UBE2V2: variants seen among roughly 807,000 people sequenced by gnomAD.
The protein encoded by UBE2V2 is ubiquitin-conjugating enzyme E2 variant 2.
UBE2V2 carries 9 observed loss-of-function variants against 17.2 expected under a neutral mutation model. The observed-to-expected ratio is 0.52, with a 90% confidence interval of 0.32 to 0.91. UBE2V2 has a LOEUF of 0.91. Ranked by LOEUF, UBE2V2 falls within the 40% of genes least tolerant of loss-of-function variation. The pLI, the probability that UBE2V2 is intolerant of heterozygous loss-of-function variation, is 0.04. For synonymous variants in UBE2V2, 61 were observed against 57.5 expected, an observed-to-expected ratio of 1.06 and a Z score of -0.28; for missense variants, 133 against 182.6, an observed-to-expected ratio of 0.73 and a Z score of 1.56.
At chr8:48,022,068 C>G (rs1447725080) in intron 1 of UBE2V2, among the ~76,000 whole-genome samples, 2 of 151,824 alleles carry the variant, frequency 1.3e-5, no homozygotes, top group African/African-American at 4.8e-5. Context: ...ACAACTTAGC[C>G]TTGATGGCCT....
intron 1 of UBE2V2, among the ~76,000 whole-genome samples, chr8:48,033,211 G>C (rs45460291): frequency 0.02 from 3,056 of 151,858 alleles, 240 homozygotes; most frequent in Admixed American, 0.14. Flanking sequence ...TCCTGAGACG[G>C]TGTCTTTCTC....
Position 48,019,087 on chromosome 8 carries a change from C to T in UBE2V2, c.16+10617C>T, listed in dbSNP as rs1039628618. Among the ~76,000 whole-genome samples, 19 of 152,042 alleles carry T rather than the reference C, an allele frequency of 1.2e-4. 1 individual carries two copies. ...CTCTATTAAAAATACAAAAATTGGA[C>T]CAGGAGCGGTGGCTCACACCTGTAA... On this transcript the variant is annotated intron_variant, in intron 1 of 3. Coordinates refer to ENST00000523111, the MANE Select transcript of UBE2V2 (RefSeq NM_003350.3).
rs143811386 is a variant in UBE2V2 at position 48,038,208 on chromosome 8, T to C, written c.17-4825T>C. 2.7e-3 allele frequency among the ~76,000 whole-genome samples: 416 copies of C among 152,346 alleles called. 1 individual carries two copies. The highest frequency in any genetic ancestry group is 4.7e-3 in the Non-Finnish European group (322 of 68,040). ...TAATAAATTCTTGCTTCAGATTGTT[T>C]TTTGGAAACAGAACATTTCTAGTAC... On this transcript the variant is annotated intron_variant, in intron 1 of 3. Transcript: ENST00000523111.
chr8:47,999,960 C>A, the UBE2V2 span, among the ~76,000 whole-genome samples: 1 of 152,184 alleles, frequency 6.6e-6, no homozygotes, highest in Non-Finnish European at 1.5e-5. Context: ...TGGAACAGAA[C>A]AGGACAGGGA....
At chr8:48,054,006 C>T (rs757235635) in intron 3 of UBE2V2, among the ~76,000 whole-genome samples, 8 of 150,760 alleles carry the variant, frequency 5.3e-5, no homozygotes, top group Non-Finnish European at 7.4e-5. Context: ...GGTTTCACCA[C>T]GTTGGCCAGG....
chr8:48,054,797 T>C (rs1158941981), intron 3 of UBE2V2, among the ~76,000 whole-genome samples: 1 of 152,198 alleles, frequency 6.6e-6, no homozygotes, highest in Non-Finnish European at 1.5e-5. Flanking sequence ...TGCAGTGAGA[T>C]CTCACATTTT....
Position 48,034,128 on chromosome 8 carries a change from C to CTTTTTTTTT in UBE2V2, c.17-8901_17-8893dup, listed in dbSNP as rs895844431. On this transcript the variant is annotated intron_variant, in intron 1 of 3. Coordinates refer to ENST00000523111, the MANE Select transcript of UBE2V2 (RefSeq NM_003350.3). Reference sequence around the variant, plus strand: ...AATATTTGACCTCTGTTTTCTTTTCCTTTTTTTTTTTTGAGATGGAGTCTC... The same window carrying CTTTTTTTTT: ...AATATTTGACCTCTGTTTTCTTTTCCTTTTTTTTTTTTTTTTTTTTTGAGATGGAGTCTC... 8.8e-3 allele frequency among the ~76,000 whole-genome samples: 1,197 copies of CTTTTTTTTT among 136,226 alleles called. 65 individuals carry two copies. Among genetic ancestry groups the CTTTTTTTTT allele is most frequent in the African/African-American group, 0.026 (859 of 33,456 alleles). 89.4% of individuals were successfully genotyped at this position (136,226 alleles called of 152,430 possible).
In UBE2V2 at chr8:48,008,444, T is replaced by G. The variant is rs1230018498; in HGVS notation, c.-11T>G. Reference sequence around the variant, plus strand: ...GTGCGTGCGGGCGGCTGCGTCGGGCTGCAGGAGAAGATGGCGGTCTCCACA... The same window carrying G: ...GTGCGTGCGGGCGGCTGCGTCGGGCGGCAGGAGAAGATGGCGGTCTCCACA... On this transcript the variant is annotated 5_prime_UTR_variant, in exon 1 of 4. Transcript: ENST00000523111. 4 of 1,566,382 alleles carry G rather than the reference T, an allele frequency of 2.6e-6. No individual in the cohort carries two copies. The African/African-American group carries it at 4.3e-5, about 17-fold the overall frequency.
At chr8:48,009,115 C>T (rs1288014040) in intron 1 of UBE2V2, among the ~76,000 whole-genome samples, 1 of 152,162 alleles carries the variant, frequency 6.6e-6, no homozygotes, top group Non-Finnish European at 1.5e-5. Context: ...ACTCCTCTTT[C>T]CTACTGAATA....
At position 48,061,956 on chromosome 8, in the gene UBE2V2, G is replaced by A. The variant is rs571204011; in HGVS notation, c.*1128G>A. On this transcript the variant is annotated 3_prime_UTR_variant, in exon 4 of 4. Transcript: ENST00000523111. ...TAATAAATAGGGTCAACTAATTGGA[G>A]ACTTTTCTCTTCCAATTAGGGCTTT... 1 of 152,254 alleles carries A rather than the reference G, an allele frequency of 6.6e-6. No homozygotes were observed. The highest frequency in any genetic ancestry group is 1.5e-5 in the Non-Finnish European group (1 of 68,016). The allele number at this position is 152,254 out of a possible 1,614,324, so 9.4% of individuals were successfully genotyped here.
At chr8:48,008,646 C>A (rs1237046942) in intron 1 of UBE2V2, 176 bp downstream of exon 1, 3 of 919,492 alleles carry the variant, frequency 3.3e-6, no homozygotes, top group East Asian at 8.0e-5. Flanking sequence ...GAGGCCCCGG[C>A]GGCCGTCGGG....
chr8:48,014,292 A>G (rs1272900938), intron 1 of UBE2V2, among the ~76,000 whole-genome samples: 1 of 152,172 alleles, frequency 6.6e-6, no homozygotes, highest in Non-Finnish European at 1.5e-5. Flanking sequence ...TGGGAAAATT[A>G]TGGTTATTCT....
the UBE2V2 span, among the ~76,000 whole-genome samples, chr8:48,001,624 C>T: frequency 6.6e-6 from 1 of 152,082 alleles, no homozygotes; most frequent in South Asian, 2.1e-4. Flanking sequence ...CAAAAAAACA[C>T]TATGAAAGTG....
At chr8:48,043,842 C>T (rs189680882) in intron 2 of UBE2V2, among the ~76,000 whole-genome samples, 22 of 152,024 alleles carry the variant, frequency 1.4e-4, no homozygotes, top group Non-Finnish European at 1.5e-5. Context: ...TGGTTGGCAA[C>T]TGGCCCATTG....
At chr8:48,002,325 A>G in the UBE2V2 span, among the ~76,000 whole-genome samples, 3 of 152,242 alleles carry the variant, frequency 2.0e-5, no homozygotes, top group African/African-American at 7.2e-5. Flanking sequence ...TGTGGCATAT[A>G]TGTACACAGT....
In UBE2V2 at chr8:48,043,233, CATTTA is replaced by C. The variant is rs772055310; in HGVS notation, c.165+57_165+61del. On this transcript the variant is annotated intron_variant, in intron 2 of 3. Transcript: ENST00000523111. ...TATTAATACTTATTGTTAAAGTTAG[CATTTA>C]ATTTTATACTATTGATATTAAAATA... The C allele has an allele frequency of 3.9e-6, 5 of 1,291,776 alleles. No individual in the cohort carries two copies. In the South Asian group the frequency reaches 1.2e-4, roughly 32 times the overall value. 80.0% of individuals were successfully genotyped at this position (1,291,776 alleles called of 1,614,324 possible). A position where few individuals can be genotyped will look rare whatever the true frequency, so the allele number is the denominator to read the frequency against.
At chr8:48,001,090 A>C in the UBE2V2 span, among the ~76,000 whole-genome samples, 1 of 152,078 alleles carries the variant, frequency 6.6e-6, no homozygotes, top group Non-Finnish European at 1.5e-5. Context: ...CACCACCTTC[A>C]TTATTGAGCT....
intron 1 of UBE2V2, among the ~76,000 whole-genome samples, chr8:48,015,565 C>T (rs1237287426): frequency 6.6e-6 from 1 of 152,064 alleles, no homozygotes; most frequent in East Asian, 1.9e-4. Flanking sequence ...AATCACCATG[C>T]TATACAGTAG....
At chr8:48,059,338 C>G (rs1261793791) in intron 3 of UBE2V2, among the ~76,000 whole-genome samples, 1 of 151,882 alleles carries the variant, frequency 6.6e-6, no homozygotes, top group East Asian at 1.9e-4. Flanking sequence ...TGTGTGTGGT[C>G]TTCTAGATTC....
Sources: gnomAD v4.1 joint callset for allele counts (sites outside exome capture counted in the v4.1 genomes callset) on GRCh38, gnomAD v4.1.1 for gene constraint, MANE v1.5 for transcripts, NCBI Gene and HGNC (gene_info 2026-07-23, HGNC 2026-07-21) for gene names.